Variants in MYO10 observed in about 807,000 individuals in gnomAD.
MYO10 encodes the protein unconventional myosin-X.
A neutral mutation model predicts 257.3 loss-of-function variants in MYO10; 133 were observed. The observed-to-expected ratio is 0.52, with a 90% CI of 0.45 to 0.60. MYO10 has a LOEUF of 0.60. MYO10 is among the 20% of genes least tolerant of loss of function. The pLI is 0.00. For synonymous variants in MYO10, 1,104 were observed against 1,028.6 expected (o/e 1.07, Z -1.40); for missense variants, 2,399 against 2,635.7 (o/e 0.91, Z 1.97).
chr5:16,751,258 T>TA (rs879647622), intron 19 of MYO10, among the ~76,000 whole-genome samples: 38 of 151,666 alleles, frequency 2.5e-4, no homozygotes, highest in African/African-American at 7.8e-4. Flanking sequence ...ATCTTTGGAT[T>TA]AAAAAAAATA....
intron 2 of MYO10, among the ~76,000 whole-genome samples, chr5:16,823,385 TAGTGAGCCG>T (rs1187244054): frequency 8.0e-6 from 1 of 124,276 alleles, no homozygotes; most frequent in Non-Finnish European, 1.6e-5. Context: ...GCAGATGTTG[TAGTGAGCCG>T]AGATGGCACC....
chr5:16,794,212 T>C (rs1741858465), intron 4 of MYO10, among the ~76,000 whole-genome samples: 1 of 151,894 alleles, frequency 6.6e-6, no homozygotes, highest in Non-Finnish European at 1.5e-5. Flanking sequence ...TTTATTGCAG[T>C]AGAGAAAAAA....
intron 1 of MYO10, among the ~76,000 whole-genome samples, chr5:16,886,121 C>T (rs1287030384): frequency 6.6e-6 from 1 of 152,210 alleles, no homozygotes; most frequent in Non-Finnish European, 1.5e-5. Context: ...AGTTCAGCCA[C>T]GGCCATGTAG....
At chr5:16,812,698 GA>G (rs1560997449) in intron 3 of MYO10, among the ~76,000 whole-genome samples, 1 of 152,184 alleles carries the variant, frequency 6.6e-6, no homozygotes, top group Non-Finnish European at 1.5e-5. Flanking sequence ...TTGTTGCTAT[GA>G]GATGGCTAAG....
intron 16 of MYO10, 110 bp from the exon 17 acceptor site, chr5:16,761,656 A>AT: frequency 2.3e-6 from 2 of 851,226 alleles, no homozygotes; most frequent in Non-Finnish European, 3.7e-6. Context: ...AAATTTATTT[A>AT]TTTATTTTTT....
At chr5:16,670,145 G>A (rs901147642) in intron 39 of MYO10, among the ~76,000 whole-genome samples, 3 of 152,082 alleles carry the variant, frequency 2.0e-5, no homozygotes, top group Admixed American at 6.6e-5. Context: ...TCAAACAGAT[G>A]GCTGTAAAGA....
chr5:16,914,577 A>G (rs1030703409), intron 1 of MYO10, among the ~76,000 whole-genome samples: 1 of 152,310 alleles, frequency 6.6e-6, no homozygotes, highest in East Asian at 1.9e-4. Flanking sequence ...TGTAAATACT[A>G]ATTTTTCTAG....
chr5:16,723,015 G>A (rs923892207), intron 19 of MYO10, among the ~76,000 whole-genome samples: 2 of 152,142 alleles, frequency 1.3e-5, no homozygotes, highest in Non-Finnish European at 2.9e-5. Flanking sequence ...AAGATCTGAA[G>A]AGACACTTCA....
intron 1 of MYO10, among the ~76,000 whole-genome samples, chr5:16,900,481 AGACT>A (rs1320990278): frequency 6.6e-6 from 1 of 152,182 alleles, no homozygotes; most frequent in East Asian, 1.9e-4. Context: ...ACAGGTCTGA[AGACT>A]GACTGCAGAA....
At chr5:16,764,497 G>T (rs771615747) in intron 11 of MYO10, 101 bp from the exon 12 acceptor site, 100 of 1,302,526 alleles carry the variant, frequency 7.7e-5, no homozygotes, top group Non-Finnish European at 9.9e-5. Flanking sequence ...GACTAGCATA[G>T]CATCTGGCCC....
chr5:16,723,151 C>T (rs1170430113), intron 19 of MYO10, among the ~76,000 whole-genome samples: 3 of 150,364 alleles, frequency 2.0e-5, no homozygotes, highest in South Asian at 2.1e-4. Flanking sequence ...CCGAGGCAGG[C>T]GGATCACGAG....
At chr5:16,867,828 T>C (rs1324674725) in intron 2 of MYO10, among the ~76,000 whole-genome samples, 1 of 152,224 alleles carries the variant, frequency 6.6e-6, no homozygotes, top group Non-Finnish European at 1.5e-5. Context: ...AGAAGAATTT[T>C]TTCAACCAAG....
chr5:16,815,249 C>A (rs1742569294), intron 3 of MYO10: 1 of 508,946 alleles, frequency 2.0e-6, no homozygotes, highest in African/African-American at 2.0e-5. Context: ...TGTGAAATGC[C>A]TGGGACACAA....
chr5:16,821,499 C>T (rs1421027486), intron 2 of MYO10, among the ~76,000 whole-genome samples: 1 of 112,880 alleles, frequency 8.9e-6, no homozygotes, highest in Non-Finnish European at 1.6e-5. Context: ...CGGAGTCTCG[C>T]TCTGTCACCC....
At position 16,860,377 on chromosome 5, in the gene MYO10, A is replaced by T. The variant is rs75415283; in HGVS notation, c.120+17232T>A. Among the ~76,000 whole-genome samples, 327 of 152,316 alleles carry T rather than the reference A, an allele frequency of 2.1e-3. 1 individual carries two copies. Among genetic ancestry groups the T allele is most frequent in the Middle Eastern group, 0.01 (3 of 294 alleles). On this transcript the variant is annotated intron_variant, in intron 2 of 40. Transcript: ENST00000513610. ...AAGACTTTCCAATTGATCTCAGATC[A>T]AAGTACCCACTGAGTCAGTGGTTCT... is the stretch of plus-strand genomic sequence containing the variant.
chr5:16,935,774 G>T lies in MYO10; in HGVS notation c.21+14C>A. ...TGGGCTCCGGAGGCCAGGTCGGACT[G>T]GGAGCGCACTTACCTCGGTGAAGAA... On this transcript the variant is annotated intron_variant, in intron 1 of 40. Transcript: ENST00000513610. The T allele has an allele frequency of 6.2e-7, 1 of 1,613,452 alleles. No homozygotes were observed. Among genetic ancestry groups the T allele is most frequent in the Admixed American group, 1.7e-5 (1 of 60,010 alleles).
At chr5:16,819,627 C>G (rs552519694) in intron 2 of MYO10, among the ~76,000 whole-genome samples, 1 of 152,062 alleles carries the variant, frequency 6.6e-6, no homozygotes, top group African/African-American at 2.4e-5. Flanking sequence ...CTGGCATGTG[C>G]ATGTGTGCAC....
rs780379182 is a variant in MYO10, at chr5:16,675,128, G to A, written c.4689C>T (p.Thr1563=). The change falls in exon 35 of 41, where the codon ACC becomes ACT. Residue 1563 remains threonine, a synonymous_variant. Coordinates refer to ENST00000513610, the MANE Select transcript of MYO10 (RefSeq NM_012334.3). The stretch of plus-strand genomic sequence containing the variant: ...TCTTGATGGCCTCATCCTGAAGGGT[G>A]GTATAGCCTTTGTCTTTGAGCACTA... ...NLNLLKDKGY[T]TLQDEAIKIF... 1 of 1,613,762 alleles carries A rather than the reference G, an allele frequency of 6.2e-7. No individual in the cohort carries two copies. The highest frequency in any genetic ancestry group is 8.5e-7 in the Non-Finnish European group (1 of 1,179,866).
intron 17 of MYO10, among the ~76,000 whole-genome samples, chr5:16,759,742 A>G (rs1270513617): frequency 6.6e-6 from 1 of 152,202 alleles, no homozygotes; most frequent in African/African-American, 2.4e-5. Context: ...ATCGCATTAA[A>G]CTAAGAAATT....
Sources: allele counts gnomAD v4.1 joint callset (sites outside exome capture counted in the v4.1 genomes callset), GRCh38; gene constraint gnomAD v4.1.1; transcripts MANE v1.5; gene names NCBI Gene and HGNC (gene_info 2026-07-23, HGNC 2026-07-21).